The following BCAR3 variants were observed in gnomAD, a reference collection of about 807,000 sequenced individuals.
BCAR3 encodes the protein BCAR3 adaptor protein, NSP family member.
BCAR3 carries 37 observed loss-of-function variants against 80.1 expected under a neutral mutation model. The ratio of observed to expected loss-of-function variants is 0.46; its 90% CI spans 0.36 to 0.61. BCAR3 has a LOEUF of 0.61. Ranked by LOEUF, BCAR3 falls within the 20% of genes least tolerant of loss-of-function variation. The pLI is 0.00. For synonymous variants in BCAR3, 389 were observed against 418.9 expected, an observed-to-expected ratio of 0.93 and a Z score of 0.87; for missense variants, 978 against 1,068.2, an observed-to-expected ratio of 0.92 and a Z score of 1.18.
chr1:93,704,214 T>TG (rs1170671540), intron 3 of BCAR3, among the ~76,000 whole-genome samples: 1 of 151,066 alleles, frequency 6.6e-6, no homozygotes, highest in African/African-American at 2.4e-5. Flanking sequence ...CAGGCCTGAG[T>TG]GGGAGTGGGT....
At chr1:93,568,917 G>C (rs1265403420) in intron 9 of BCAR3, among the ~76,000 whole-genome samples, 1 of 152,132 alleles carries the variant, frequency 6.6e-6, no homozygotes. Context: ...CAACCTCCCA[G>C]GCTCAGTGAT....
chr1:93,783,356 T>C (rs1652829313), intron 2 of BCAR3, among the ~76,000 whole-genome samples: 1 of 152,204 alleles, frequency 6.6e-6, no homozygotes, highest in Non-Finnish European at 1.5e-5. Flanking sequence ...ATAAAAAATG[T>C]GTAGGACATT....
intron 3 of BCAR3, among the ~76,000 whole-genome samples, chr1:93,695,943 C>G (rs1025480800): frequency 6.6e-6 from 1 of 152,204 alleles, no homozygotes; most frequent in African/African-American, 2.4e-5. Flanking sequence ...TTTCCCCAAC[C>G]ACCTTGAAAA....
At chr1:93,667,485 T>A (rs1478792297) in intron 2 of BCAR3, among the ~76,000 whole-genome samples, 1 of 152,228 alleles carries the variant, frequency 6.6e-6, no homozygotes, top group Non-Finnish European at 1.5e-5. Context: ...AAAACAAGGA[T>A]ATGAACTGAA....
At chr1:93,735,919 T>C (rs1199259104) in intron 2 of BCAR3, among the ~76,000 whole-genome samples, 2 of 152,316 alleles carry the variant, frequency 1.3e-5, no homozygotes, top group Middle Eastern at 3.4e-3. Context: ...GCCACCAGAA[T>C]TGAGGGTTGT....
chr1:93,762,674 C>T (rs1433266704), intron 2 of BCAR3, among the ~76,000 whole-genome samples: 1 of 152,208 alleles, frequency 6.6e-6, no homozygotes, highest in Non-Finnish European at 1.5e-5. Flanking sequence ...TCCCCAACCC[C>T]AATACTCTCT....
rs1261771471 is a variant in BCAR3 at position 93,562,101 on chromosome 1, C to T, written c.*140G>A. ...AAATAAGTGTGCTCTGTGCAATTTA[C>T]ACGTTTAATATCCTGTGGATACTAA... On this transcript the variant is annotated 3_prime_UTR_variant, in exon 12 of 12. Coordinates refer to ENST00000260502, the MANE Select transcript of BCAR3 (RefSeq NM_003567.4). 4 of 788,948 alleles carry T rather than the reference C, an allele frequency of 5.1e-6. No individual in the cohort carries two copies. Among genetic ancestry groups the T allele is most frequent in the Non-Finnish European group, 7.6e-6 (4 of 524,652 alleles). 48.9% of individuals were successfully genotyped at this position (788,948 alleles called of 1,614,324 possible). A position where few individuals can be genotyped will look rare whatever the true frequency, so the allele number is the denominator to read the frequency against.
chr1:93,642,225 A>G, intron 3 of BCAR3, 79 bp downstream of exon 3: 2 of 1,481,954 alleles, frequency 1.3e-6, no homozygotes, highest in South Asian at 1.1e-5. Flanking sequence ...AGGCTGCAGC[A>G]TTATTTAGCA....
intron 2 of BCAR3, among the ~76,000 whole-genome samples, chr1:93,776,141 G>A (rs966709722): frequency 6.6e-6 from 1 of 152,132 alleles, no homozygotes. Context: ...GGCTGAGGGA[G>A]GGAGGTATCC....
chr1:93,781,866 C>T (rs1438259055), intron 2 of BCAR3, among the ~76,000 whole-genome samples: 1 of 152,172 alleles, frequency 6.6e-6, no homozygotes, highest in Admixed American at 6.5e-5. Context: ...AGATTAGGCA[C>T]CTGGAATCAT....
intron 3 of BCAR3, among the ~76,000 whole-genome samples, chr1:93,700,232 G>C (rs1336872223): frequency 1.3e-5 from 2 of 151,902 alleles, no homozygotes; most frequent in Non-Finnish European, 2.9e-5. Flanking sequence ...TAGCCTTGTT[G>C]CCCACGTTGG....
intron 3 of BCAR3, among the ~76,000 whole-genome samples, chr1:93,638,593 G>A (rs1675874277): frequency 6.6e-6 from 1 of 152,020 alleles, no homozygotes; most frequent in Non-Finnish European, 1.5e-5. Context: ...AAAAATGTTT[G>A]GTTTTATCTA....
chr1:93,802,373 C>T (rs1479636533), intron 2 of BCAR3, among the ~76,000 whole-genome samples: 1 of 152,028 alleles, frequency 6.6e-6, no homozygotes, highest in Non-Finnish European at 1.5e-5. Context: ...GACACCCATT[C>T]CCTTGCTTTT....
intron 2 of BCAR3, among the ~76,000 whole-genome samples, chr1:93,831,140 C>A (rs1654549397): frequency 6.6e-6 from 1 of 152,176 alleles, no homozygotes; most frequent in Non-Finnish European, 1.5e-5. Context: ...CCATTGGTGT[C>A]TGATCACCAT....
Position 93,571,842 on chromosome 1 carries a change from C to G in BCAR3, c.1803-1G>C. 6.2e-7 allele frequency: 1 copy of G among 1,611,216 alleles called. No individual in the cohort carries two copies. Among genetic ancestry groups the G allele is most frequent in the Non-Finnish European group, 8.5e-7 (1 of 1,178,240 alleles). On this transcript the variant is annotated splice_acceptor_variant, in intron 8 of 11. Transcript: ENST00000260502. LOFTEE classifies it high-confidence loss of function. Reference sequence around the variant, plus strand: ...AATGCCGATGGCCATTGTGTTGTGTCTGAAAGCCAGGAGATCAGCGGTCAG... The same window carrying G: ...AATGCCGATGGCCATTGTGTTGTGTGTGAAAGCCAGGAGATCAGCGGTCAG...
In BCAR3 at chr1:93,823,891, G is replaced by C. The variant is rs1221723383; in HGVS notation, c.-63+21676C>G. 1.5e-5 allele frequency among the ~76,000 whole-genome samples: 2 copies of C among 132,860 alleles called. 1 individual carries two copies. The highest frequency in any genetic ancestry group is 1.6e-4 in the Admixed American group (2 of 12,734). The allele number at this position is 132,860 out of a possible 152,430, so 87.2% of individuals were successfully genotyped here. ...ATTTTTACATTTTTAGTAGAGATGG[G>C]GTTTCACCATGTTGGCCAGGATGGT... On this transcript the variant is annotated intron_variant, in intron 2 of 13. Transcript: ENST00000370244.
At chr1:93,612,069 G>C (rs1365359033) in intron 3 of BCAR3, among the ~76,000 whole-genome samples, 1 of 152,124 alleles carries the variant, frequency 6.6e-6, no homozygotes, top group South Asian at 2.1e-4. Context: ...TCAATAAAGC[G>C]ACTCGGCATT....
At chr1:93,842,232 A>G (rs773182414) in intron 2 of BCAR3, among the ~76,000 whole-genome samples, 1 of 149,934 alleles carries the variant, frequency 6.7e-6, no homozygotes, top group Non-Finnish European at 1.5e-5. Flanking sequence ...GCTCACTGCA[A>G]CCTCTGCCTC....
At chr1:93,639,462 G>T (rs953293539) in intron 3 of BCAR3, among the ~76,000 whole-genome samples, 7 of 151,432 alleles carry the variant, frequency 4.6e-5, no homozygotes, top group African/African-American at 1.7e-4. Flanking sequence ...TCTCCGATGG[G>T]GAGGGGAGCA....
Sources: gnomAD v4.1 joint callset for allele counts (sites outside exome capture counted in the v4.1 genomes callset) on GRCh38, gnomAD v4.1.1 for gene constraint, MANE v1.5 for transcripts, NCBI Gene and HGNC (gene_info 2026-07-23, HGNC 2026-07-21) for gene names.